Variants in CRMP1 observed in about 807,000 individuals in gnomAD.
CRMP1 encodes the protein collapsin response mediator protein 1.
In CRMP1, 19 loss-of-function variants were observed where a neutral mutation model predicts 68.3. That is an observed-to-expected ratio of 0.28 (90% CI 0.19 to 0.41). The LOEUF (loss-of-function observed/expected upper bound fraction) is 0.41, where lower values mean the gene tolerates loss of function less well. Ranked by LOEUF, CRMP1 falls within the 10% of genes least tolerant of loss-of-function variation. CRMP1 has a pLI of 1.00. For synonymous variants in CRMP1, 439 were observed against 399.6 expected (o/e 1.10, Z -1.18); for missense variants, 791 against 967.4 (o/e 0.82, Z 2.42).
chr4:5,851,843 G>A (rs1257668566), intron 4 of CRMP1, among the ~76,000 whole-genome samples: 3 of 148,926 alleles, frequency 2.0e-5, no homozygotes, highest in Non-Finnish European at 3.0e-5. Context: ...GAGAAGGGGA[G>A]GAGGAGGAGG....
chr4:5,828,401 ACT>A lies in CRMP1; in HGVS notation c.1803+86_1803+87del. 2.6e-6 allele frequency: 4 copies of A among 1,518,498 alleles called. No individual in the cohort carries two copies. In the Admixed American group the frequency reaches 6.3e-5, roughly 24 times the overall value. The allele number at this position is 1,518,498 out of a possible 1,614,324, so 94.1% of individuals were successfully genotyped here. A position where few individuals can be genotyped will look rare whatever the true frequency, so the allele number is the denominator to read the frequency against. ...GGTTCCCAGGGCGATGACATTATTA[ACT>A]CTGCACACGTCAGATCTCGATTCCC... On this transcript the variant is annotated intron_variant, in intron 12 of 13. Coordinates refer to ENST00000324989, the MANE Select transcript of CRMP1 (RefSeq NM_001014809.3).
intron 6 of CRMP1, among the ~76,000 whole-genome samples, chr4:5,846,692 G>C (rs1356217495): frequency 6.9e-6 from 1 of 145,546 alleles, no homozygotes; most frequent in African/African-American, 2.6e-5. Context: ...CCACATTCAA[G>C]CAATTCTCCT....
Position 5,825,359 on chromosome 4 carries a change from C to A in CRMP1, c.1969+135G>T. 7.0e-7 allele frequency: 1 copy of A among 1,432,420 alleles called. No homozygotes were observed. Among genetic ancestry groups the A allele is most frequent in the East Asian group, 2.7e-5 (1 of 36,754 alleles). The allele number at this position is 1,432,420 out of a possible 1,614,324, so 88.7% of individuals were successfully genotyped here. A position where few individuals can be genotyped will look rare whatever the true frequency, so the allele number is the denominator to read the frequency against. The stretch of plus-strand genomic sequence containing the variant: ...TCTGCCCCACCAGTGAGAGCAGGCT[C>A]GGGTGGGGCACACTCCCTTCCCTGC... On this transcript the variant is annotated intron_variant, in intron 13 of 13. Coordinates refer to ENST00000324989, the MANE Select transcript of CRMP1 (RefSeq NM_001014809.3). This position sits in a 1 kb window ranked among gnomAD's most constrained non-coding sequence, Gnocchi z 4.4.
rs748597207 is a variant in CRMP1 at position 5,843,472 on chromosome 4, C to G, written c.964-311G>C. Among the ~76,000 whole-genome samples, 7 of 152,134 alleles carry G rather than the reference C, an allele frequency of 4.6e-5. No homozygotes were observed. Among genetic ancestry groups the G allele is most frequent in the African/African-American group, 1.7e-4 (7 of 41,420 alleles). On this transcript the variant is annotated intron_variant, in intron 6 of 13. Transcript: ENST00000324989. This position sits in a 1 kb window ranked among gnomAD's most constrained non-coding sequence, Gnocchi z 4.1. The stretch of plus-strand genomic sequence containing the variant: ...AGGCCACCCACCACTCTCTGAATCT[C>G]GGAGTCTCCCTGCAGGCCTCTCCTC...
At chr4:5,835,546 T>A (rs563330843) in intron 11 of CRMP1, among the ~76,000 whole-genome samples, 50 of 152,312 alleles carry the variant, frequency 3.3e-4, no homozygotes, top group African/African-American at 1.1e-3. Context: ...CCAAATCAAA[T>A]CCTTTCCAGC....
chr4:5,847,012 A>T (rs1163099617), intron 6 of CRMP1, among the ~76,000 whole-genome samples: 3 of 152,074 alleles, frequency 2.0e-5, no homozygotes, highest in Admixed American at 1.3e-4. Context: ...GACTCAGAGG[A>T]TGGAAGCAGG....
chr4:5,849,479 A>C lies in CRMP1; in HGVS notation c.883-7T>G, dbSNP rs1212742005. On this transcript the variant is annotated splice_polypyrimidine_tract_variant and splice_region_variant and intron_variant, in intron 5 of 13. Coordinates refer to ENST00000324989, the MANE Select transcript of CRMP1 (RefSeq NM_001014809.3). ...AGGTAAAGGCTTCATAGAGCTATGGAGAGATAAACAGGGGTTGGTGTGAGA... is the reference window on the plus strand; with the variant it reads ...AGGTAAAGGCTTCATAGAGCTATGGCGAGATAAACAGGGGTTGGTGTGAGA... 5.7e-6 allele frequency: 9 copies of C among 1,589,446 alleles called. No homozygotes were observed. Among genetic ancestry groups the C allele is most frequent in the Non-Finnish European group, 7.8e-6 (9 of 1,161,098 alleles).
chr4:5,863,504 C>T (rs1460930111), intron 2 of CRMP1, among the ~76,000 whole-genome samples: 1 of 152,114 alleles, frequency 6.6e-6, no homozygotes, highest in South Asian at 2.1e-4. Flanking sequence ...TTGCACTAAA[C>T]GGGACCCCCA....
chr4:5,866,525 C>A lies in CRMP1; in HGVS notation c.470+143G>T. On this transcript the variant is annotated intron_variant, in intron 2 of 13. Transcript: ENST00000324989. This position sits in a 1 kb window ranked among gnomAD's most constrained non-coding sequence, Gnocchi z 5.9. ...TTCTCCACCCGCAGTGTGCACCTCC[C>A]CCAACCTCTGTGAGGTCTCTACCCC... is the stretch of plus-strand genomic sequence containing the variant. 1 of 600,998 alleles carries A rather than the reference C, an allele frequency of 1.7e-6. No homozygotes were observed. Among genetic ancestry groups the A allele is most frequent in the East Asian group, 2.9e-5 (1 of 33,946 alleles). The allele number at this position is 600,998 out of a possible 1,614,324, so 37.2% of individuals were successfully genotyped here.
chr4:5,827,151 T>C (rs1719765008), intron 12 of CRMP1, among the ~76,000 whole-genome samples: 1 of 152,228 alleles, frequency 6.6e-6, no homozygotes, highest in Non-Finnish European at 1.5e-5. Flanking sequence ...AATTGCTGTC[T>C]TGGCATTTGG....
Position 5,866,578 on chromosome 4 carries a change from T to A in CRMP1, c.470+90A>T, listed in dbSNP as rs1714016939. On this transcript the variant is annotated intron_variant, in intron 2 of 13. Transcript: ENST00000324989. This position sits in a 1 kb window ranked among gnomAD's most constrained non-coding sequence, Gnocchi z 5.9. ...AAACACAGGTACACAGCCCCGTCAT[T>A]CTAGGACAGAATGCCAGCCTTCTGT... The A allele has an allele frequency of 2.1e-6, 2 of 945,898 alleles. No individual in the cohort carries two copies. The highest frequency in any genetic ancestry group is 5.1e-5 in the East Asian group (2 of 39,466). 58.6% of individuals were successfully genotyped at this position (945,898 alleles called of 1,614,324 possible). A position where few individuals can be genotyped will look rare whatever the true frequency, so the allele number is the denominator to read the frequency against.
Position 5,892,776 on chromosome 4 carries a change from C to A in CRMP1, c.194G>T (p.Arg65Leu), listed in dbSNP as rs1423441897. 13 of 1,287,316 alleles carry A rather than the reference C, an allele frequency of 1.0e-5. No homozygotes were observed. The highest frequency in any genetic ancestry group is 1.3e-5 in the Non-Finnish European group (13 of 1,014,492). 79.7% of individuals were successfully genotyped at this position (1,287,316 alleles called of 1,614,324 possible). A position where few individuals can be genotyped will look rare whatever the true frequency, so the allele number is the denominator to read the frequency against. ...VGRRGSARTP[R>L]SAGRPDAVGL... is the part of the protein sequence containing the mutation. ...GACCGCGTCGGGCCGGCCAGCGCTG[C>A]GCGGCGTGCGCGCCGAGCCGCGGCG... The change falls in exon 1 of 14, where the codon CGC becomes CTC. Residue 65 changes from arginine to leucine, a missense_variant. This residue lies in a region of CRMP1 where 193 missense variants were observed against 186.3 expected (regional missense o/e 1.04). Transcript: ENST00000324989. This position sits in a 1 kb window ranked among gnomAD's most constrained non-coding sequence, Gnocchi z 8.6.
In CRMP1 at chr4:5,836,695, A is replaced by G. The variant is rs999466985; in HGVS notation, c.1452+70T>C. ...GGGAACTTTTAAGAACCCAGCGTGC[A>G]TAATGCATCGGCTTTCACAGGGCAG... On this transcript the variant is annotated intron_variant, in intron 10 of 13. Coordinates refer to ENST00000324989, the MANE Select transcript of CRMP1 (RefSeq NM_001014809.3). 10 of 1,610,356 alleles carry G rather than the reference A, an allele frequency of 6.2e-6. No homozygotes were observed. In the African/African-American group the frequency reaches 1.1e-4, roughly 17 times the overall value.
intron 4 of CRMP1, among the ~76,000 whole-genome samples, chr4:5,852,997 G>A (rs1022827158): frequency 1.3e-5 from 2 of 152,102 alleles, no homozygotes; most frequent in Non-Finnish European, 2.9e-5. Flanking sequence ...TGGGGCTCTG[G>A]GCCCCAGGAA....
chr4:5,892,458 G>T lies in CRMP1; in HGVS notation c.381+131C>A. The T allele has an allele frequency of 2.1e-6, 2 of 937,930 alleles. No individual in the cohort carries two copies. Among genetic ancestry groups the T allele is most frequent in the Non-Finnish European group, 2.7e-6 (2 of 748,096 alleles). 58.1% of individuals were successfully genotyped at this position (937,930 alleles called of 1,614,324 possible). On this transcript the variant is annotated intron_variant, in intron 1 of 13. Coordinates refer to ENST00000324989, the MANE Select transcript of CRMP1 (RefSeq NM_001014809.3). The surrounding 1 kb of genome is among the most constrained non-coding windows in gnomAD (Gnocchi z 8.6). ...CATGATGAGGTGGGGGAGGGGCCGC[G>T]CCGTGGCTCTCCCCAGCCTGGCGGC...
At position 5,889,340 on chromosome 4, in the gene CRMP1, G is replaced by T. The variant is rs1715833900; in HGVS notation, c.381+3249C>A. Among the ~76,000 whole-genome samples, 2 of 152,164 alleles carry T rather than the reference G, an allele frequency of 1.3e-5. No homozygotes were observed. Among genetic ancestry groups the T allele is most frequent in the African/African-American group, 4.8e-5 (2 of 41,446 alleles). ...CTCCAAGACAGCAGGTGTTTGGAGG[G>T]CTGGGCCACTGGCACCAAGGTCTCC... is the stretch of plus-strand genomic sequence containing the variant. On this transcript the variant is annotated intron_variant, in intron 1 of 13. Coordinates refer to ENST00000324989, the MANE Select transcript of CRMP1 (RefSeq NM_001014809.3). This position sits in a 1 kb window ranked among gnomAD's most constrained non-coding sequence, Gnocchi z 4.5.
chr4:5,823,921 G>A (rs895542574), intron 13 of CRMP1, among the ~76,000 whole-genome samples: 2 of 152,204 alleles, frequency 1.3e-5, no homozygotes, highest in Non-Finnish European at 2.9e-5. Flanking sequence ...CATCTGTGAG[G>A]TTGTTATGAT....
chr4:5,839,106 T>C (rs923768436), intron 9 of CRMP1, among the ~76,000 whole-genome samples: 11 of 152,356 alleles, frequency 7.2e-5, no homozygotes, highest in African/African-American at 2.4e-4. Flanking sequence ...TTTCCTGCAC[T>C]GTCCCATAGG....
chr4:5,851,694 AGGGAGGAGAAGGAGGAGGAAG>A (rs1473594454), intron 4 of CRMP1, among the ~76,000 whole-genome samples: 1 of 151,108 alleles, frequency 6.6e-6, no homozygotes, highest in African/African-American at 2.4e-5. Flanking sequence ...TGGAGGAGAA[AGGGAGGAGAAGGAGGAGGAAG>A]GGGAGGAGAA....
Sources: gnomAD v4.1 joint callset for allele counts (sites outside exome capture counted in the v4.1 genomes callset) on GRCh38, gnomAD v4.1.1 for gene constraint, gnomAD v4.1.1 regional missense constraint, Gnocchi (gnomAD v3.1) non-coding constraint, MANE v1.5 for transcripts, NCBI Gene and HGNC (gene_info 2026-07-23, HGNC 2026-07-21) for gene names.